The following METTL25 variants were observed in gnomAD, a reference collection of about 807,000 sequenced individuals.
METTL25 encodes probable methyltransferase-like protein 25.
Under a neutral mutation model 71.6 loss-of-function variants are expected in METTL25, and 64 were observed. The observed-to-expected ratio is 0.89, with a 90% confidence interval of 0.73 to 1.10. The LOEUF is 1.10. Ranked by LOEUF, METTL25 falls within the 50% of genes least tolerant of loss-of-function variation. METTL25 has a pLI of 0.00. For synonymous variants in METTL25, 287 were observed against 250.3 expected (o/e 1.15, Z -1.38); for missense variants, 807 against 707.0 (o/e 1.14, Z -1.60).
chr12:82,460,951 G>A (rs886616006), intron 9 of METTL25, among the ~76,000 whole-genome samples: 1 of 152,268 alleles, frequency 6.6e-6, no homozygotes, highest in East Asian at 1.9e-4. Flanking sequence ...AGACCATCCT[G>A]GCTAACACAG....
chr12:82,404,744 ACC>A (rs1886933890), intron 5 of METTL25, among the ~76,000 whole-genome samples: 1 of 152,126 alleles, frequency 6.6e-6, no homozygotes, highest in Non-Finnish European at 1.5e-5. Flanking sequence ...GGAGTTCAAG[ACC>A]AGCCTGGCCA....
chr12:82,396,034 T>A (rs1004746418), intron 3 of METTL25, among the ~76,000 whole-genome samples: 7 of 152,076 alleles, frequency 4.6e-5, no homozygotes, highest in Non-Finnish European at 1.0e-4. Flanking sequence ...CCATAACATA[T>A]AATACTGTAT....
chr12:82,432,842 C>G (rs1056920465), intron 6 of METTL25, among the ~76,000 whole-genome samples: 3 of 125,728 alleles, frequency 2.4e-5, no homozygotes, highest in African/African-American at 8.9e-5. Flanking sequence ...GAAAAATATT[C>G]AAATCTTAAG....
At chr12:82,420,496 C>G (rs770442439) in intron 5 of METTL25, among the ~76,000 whole-genome samples, 2 of 151,848 alleles carry the variant, frequency 1.3e-5, no homozygotes, top group Non-Finnish European at 2.9e-5. Flanking sequence ...ATATCTGCAG[C>G]TTTTTATATG....
intron 1 of METTL25, among the ~76,000 whole-genome samples, chr12:82,372,801 G>A (rs1365496139): frequency 6.6e-6 from 1 of 152,076 alleles, no homozygotes; most frequent in East Asian, 1.9e-4. Context: ...TTCTCCCCCT[G>A]CCCAAGAACC....
At chr12:82,424,908 A>G (rs567546275) in intron 5 of METTL25, among the ~76,000 whole-genome samples, 6 of 152,190 alleles carry the variant, frequency 3.9e-5, no homozygotes, top group Non-Finnish European at 8.8e-5. Flanking sequence ...ATTCTTCCCT[A>G]GAGCCTTCAG....
intron 3 of METTL25, among the ~76,000 whole-genome samples, chr12:82,392,565 C>T (rs1885694845): frequency 6.6e-6 from 1 of 152,028 alleles, no homozygotes; most frequent in African/African-American, 2.4e-5. Context: ...CATGTTTTCT[C>T]TCAATCTGTG....
chr12:82,469,994 T>G (rs1346875753), intron 9 of METTL25, among the ~76,000 whole-genome samples: 1 of 152,170 alleles, frequency 6.6e-6, no homozygotes, highest in East Asian at 1.9e-4. Flanking sequence ...CATTGCAGAG[T>G]TCCCTCTCCA....
chr12:82,378,734 A>G (rs1884135561), intron 1 of METTL25, among the ~76,000 whole-genome samples: 1 of 152,196 alleles, frequency 6.6e-6, no homozygotes, highest in Non-Finnish European at 1.5e-5. Flanking sequence ...TGCCTCAATA[A>G]TAAACAAACT....
Position 82,434,669 on chromosome 12 carries a change from A to G in METTL25, c.1375-26A>G, listed in dbSNP as rs1309694707. The G allele has an allele frequency of 5.0e-6, 8 of 1,603,172 alleles. No homozygotes were observed. The East Asian group carries it at 1.1e-4, about 22-fold the overall frequency. On this transcript the variant is annotated intron_variant, in intron 6 of 11. Transcript: ENST00000248306. ...TCTTATAAGACTCAATATATCAACAATCTGTCTTGTTTTTTTCCCTTTAAG... is the reference window on the plus strand; with the variant it reads ...TCTTATAAGACTCAATATATCAACAGTCTGTCTTGTTTTTTTCCCTTTAAG...
At chr12:82,393,900 A>G (rs1326121572) in intron 3 of METTL25, among the ~76,000 whole-genome samples, 2 of 151,868 alleles carry the variant, frequency 1.3e-5, no homozygotes, top group East Asian at 3.8e-4. Context: ...ACTTCTTAGT[A>G]CTACTTTTGC....
At chr12:82,434,661 T>C (rs751084060) in intron 6 of METTL25, 34 bp from the exon 7 acceptor site, 3 of 1,488,446 alleles carry the variant, frequency 2.0e-6, no homozygotes, top group Non-Finnish European at 2.8e-6. Context: ...AGACTCAATA[T>C]ATCAACAATC....
rs12229010 is a variant in METTL25 at position 82,436,893 on chromosome 12, T to C, written c.1405-1825T>C. Among the ~76,000 whole-genome samples the C allele has an allele frequency of 5.8e-3, 887 of 151,760 alleles. 52 individuals are homozygous for C. In the East Asian group the frequency reaches 0.14, roughly 24 times the overall value. ...CTTTGTAAGCCATTTATAGTACTAA[T>C]ATTTAAATTCATGCAATAGTAGACT... On this transcript the variant is annotated intron_variant, in intron 7 of 11. Transcript: ENST00000248306.
At chr12:82,474,539 G>A (rs972365620) in intron 9 of METTL25, 1 of 152,140 alleles carries the variant, frequency 6.6e-6, no homozygotes, top group African/African-American at 2.4e-5. Flanking sequence ...TGTGGGTACA[G>A]AACCTGCAGT....
At chr12:82,443,022 C>G (rs1224051711) in intron 8 of METTL25, among the ~76,000 whole-genome samples, 1 of 150,478 alleles carries the variant, frequency 6.6e-6, no homozygotes, top group East Asian at 2.0e-4. Context: ...AAAAAAAAAG[C>G]TAGAGAATAG....
intron 5 of METTL25, among the ~76,000 whole-genome samples, chr12:82,423,862 T>A (rs1457606880): frequency 2.0e-5 from 3 of 152,096 alleles, no homozygotes; most frequent in Non-Finnish European, 4.4e-5. Flanking sequence ...GTTAGAATAG[T>A]GATCATTAAA....
intron 5 of METTL25, among the ~76,000 whole-genome samples, chr12:82,425,448 A>G (rs1221955675): frequency 6.6e-6 from 1 of 152,078 alleles, no homozygotes; most frequent in African/African-American, 2.4e-5. Flanking sequence ...GAGTATAAAG[A>G]GAATTAAGGC....
In METTL25 at chr12:82,479,189, A is replaced by G. The variant is rs896851118; in HGVS notation, c.*165A>G. ...ACAGAAGGTTATAATCCATTTTTCCATTGTCAAAGCATACATTAATAAAAG... is the reference window on the plus strand; with the variant it reads ...ACAGAAGGTTATAATCCATTTTTCCGTTGTCAAAGCATACATTAATAAAAG... On this transcript the variant is annotated 3_prime_UTR_variant, in exon 12 of 12. Transcript: ENST00000248306. The G allele has an allele frequency of 3.2e-4, 169 of 529,278 alleles. No homozygotes were observed. Among genetic ancestry groups the G allele is most frequent in the Non-Finnish European group, 6.0e-5 (18 of 298,910 alleles). The allele number at this position is 529,278 out of a possible 1,614,324, so 32.8% of individuals were successfully genotyped here. A position where few individuals can be genotyped will look rare whatever the true frequency, so the allele number is the denominator to read the frequency against.
At chr12:82,418,404 A>G (rs1395850699) in intron 5 of METTL25, among the ~76,000 whole-genome samples, 1 of 152,120 alleles carries the variant, frequency 6.6e-6, no homozygotes, top group Non-Finnish European at 1.5e-5. Context: ...AAATTATAAT[A>G]TATACTATTC....
Sources: allele counts gnomAD v4.1 joint callset (sites outside exome capture counted in the v4.1 genomes callset), GRCh38; gene constraint gnomAD v4.1.1; transcripts MANE v1.5; gene names NCBI Gene and HGNC (gene_info 2026-07-23, HGNC 2026-07-21).